Variants in HUWE1 observed in about 807,000 individuals in gnomAD.
The protein encoded by HUWE1 is HECT, UBA and WWE domain containing E3 ubiquitin protein ligase 1.
Under a neutral mutation model 299.4 loss-of-function variants are expected in HUWE1, and 18 were observed. The observed-to-expected ratio is 0.06, with a 90% confidence interval of 0.04 to 0.09. The LOEUF is 0.09. HUWE1 is among the 10% of genes least tolerant of loss of function. The probability of loss-of-function intolerance (pLI) is 1.00; values close to 1 mark genes in which losing one functional copy is unlikely to be tolerated. For missense variants in HUWE1, 1,832 were observed against 3,462.3 expected (o/e 0.53, Z 11.82); for synonymous variants, 1,317 against 1,286.1 (o/e 1.02, Z -0.51).
At chrX:53,545,478 T>C (rs917966829) in intron 70 of HUWE1, among the ~76,000 whole-genome samples, 13 of 111,384 alleles carry the variant, frequency 1.2e-4, no homozygotes, top group Middle Eastern at 4.6e-3. Flanking sequence ...ATTACTGAGG[T>C]TCTGTGGTGG....
Position 53,536,412 on chromosome X carries a change from G to C in HUWE1, c.12393C>G (p.Ser4131=). 1 of 1,211,113 alleles carries C rather than the reference G, an allele frequency of 8.3e-7. No homozygotes were observed. The change falls in exon 79 of 84, where the codon TCC becomes TCG. Residue 4131 remains serine (S), a synonymous_variant. Transcript: ENST00000262854. ...ACTTGCCCAAGATGTGTTTGTAAAA[G>C]GATCGAGTAAAGTAGCACTCCAGAA... is the stretch of plus-strand genomic sequence containing the variant. ...NRLLECYFTR[S]FYKHILGKSV...
At chrX:53,641,633 A>G (rs2067599223) in intron 7 of HUWE1, among the ~76,000 whole-genome samples, 1 of 111,941 alleles carries the variant, frequency 8.9e-6, no homozygotes, top group East Asian at 2.8e-4. Flanking sequence ...TTTATGTCAG[A>G]AAACAGACTG....
intron 3 of HUWE1, among the ~76,000 whole-genome samples, chrX:53,659,194 G>A (rs2068883985): frequency 8.9e-6 from 1 of 112,076 alleles, no homozygotes; most frequent in South Asian, 3.7e-4. Context: ...AATACTCCCT[G>A]GTATTTACCC....
intron 29 of HUWE1, among the ~76,000 whole-genome samples, chrX:53,595,984 A>G (rs782548435): frequency 8.9e-6 from 1 of 112,580 alleles, no homozygotes; most frequent in South Asian, 3.6e-4. Context: ...AAATATAAAC[A>G]TATGTAAAAG....
intron 43 of HUWE1, among the ~76,000 whole-genome samples, 188 bp from the exon 44 acceptor site, chrX:53,577,255 T>C (rs782338387): frequency 1.1e-4 from 12 of 110,572 alleles, no homozygotes; most frequent in Non-Finnish European, 2.1e-4. Flanking sequence ...CAGGATTTAA[T>C]ATAGCAGTAC....
chrX:53,606,460 G>A (rs1053934445), intron 25 of HUWE1, among the ~76,000 whole-genome samples: 1 of 111,933 alleles, frequency 8.9e-6, no homozygotes, highest in Non-Finnish European at 1.9e-5. Context: ...CAGAAAATAA[G>A]TATTGGCTAG....
At chrX:53,679,914 C>T (rs2070042587) in intron 3 of HUWE1, 135 bp downstream of exon 3, 1 of 290,725 alleles carries the variant, frequency 3.4e-6, no homozygotes, top group Non-Finnish European at 6.0e-6. Flanking sequence ...AAAGAAGCAA[C>T]CAGTACCACA....
intron 19 of HUWE1, among the ~76,000 whole-genome samples, chrX:53,618,391 GAAAA>G (rs2065918875): frequency 1.8e-5 from 2 of 108,373 alleles, no homozygotes; most frequent in South Asian, 7.9e-4. Flanking sequence ...ATATAAATTA[GAAAA>G]AAGAGCAGTA....
At chrX:53,538,724 ACTCTCTCTCTCTCTCT>A in intron 76 of HUWE1, 95 bp downstream of exon 76, 1 of 433,591 alleles carries the variant, frequency 2.3e-6, no homozygotes, top group African/African-American at 2.9e-5. Flanking sequence ...ACACACACAC[ACTCTCTCTCTCTCTCT>A]CTCTCTCTCT....
intron 83 of HUWE1, chrX:53,533,724 A>C (rs1177340489): frequency 9.1e-6 from 4 of 438,396 alleles, no homozygotes; most frequent in Non-Finnish European, 1.6e-5. Flanking sequence ...TGAGCTCTTT[A>C]GACTTTTGCT....
At chrX:53,608,348 G>C (rs1045818391) in intron 24 of HUWE1, among the ~76,000 whole-genome samples, 10 of 101,247 alleles carry the variant, frequency 9.9e-5, no homozygotes, top group East Asian at 9.6e-4. Context: ...GGAAAAAAGG[G>C]GGAAAATATA....
At chrX:53,660,322 C>A (rs913451105) in intron 3 of HUWE1, among the ~76,000 whole-genome samples, 1 of 111,963 alleles carries the variant, frequency 8.9e-6, no homozygotes, top group Admixed American at 9.5e-5. Flanking sequence ...GACTCTAAGT[C>A]CCAAGTGTAA....
intron 6 of HUWE1, among the ~76,000 whole-genome samples, chrX:53,645,736 A>AAAAAAAAATAT (rs2067967606): frequency 7.7e-5 from 2 of 26,132 alleles, no homozygotes; most frequent in African/African-American, 3.0e-4. Flanking sequence ...AAAAAAAAAA[A>AAAAAAAAATAT]ATATATATAT....
intron 74 of HUWE1, 41 bp downstream of exon 74, chrX:53,542,402 C>T (rs1556919291): frequency 1.2e-6 from 1 of 864,895 alleles, no homozygotes; most frequent in South Asian, 2.0e-5. Flanking sequence ...AGAAGACTGG[C>T]TATCCCTTTT....
At chrX:53,600,373 G>A in intron 28 of HUWE1, 64 bp from the exon 29 acceptor site, 1 of 848,959 alleles carries the variant, frequency 1.2e-6, no homozygotes, top group Non-Finnish European at 1.7e-6. Flanking sequence ...GGTTCCTTGA[G>A]AAGTACTGAC....
At position 53,678,362 on chromosome X, in the gene HUWE1, AAAGTT is replaced by A. The variant is rs782709262; in HGVS notation, c.-25+1682_-25+1686del. Reference sequence around the variant, plus strand: ...CACCTATGAAACATCAAACGACTTAAAAGTTGAGTTATTCCTGACATTAACATATA... The same window carrying A: ...CACCTATGAAACATCAAACGACTTAAGAGTTATTCCTGACATTAACATATA... On this transcript the variant is annotated intron_variant, in intron 3 of 83. Transcript: ENST00000262854. Among the ~76,000 whole-genome samples, 210 of 111,956 alleles carry A rather than the reference AAAGTT, an allele frequency of 1.9e-3. 1 individual carries two copies. Among genetic ancestry groups the A allele is most frequent in the African/African-American group, 6.5e-3 (201 of 30,853 alleles).
At chrX:53,552,589 G>T in intron 62 of HUWE1, 49 bp downstream of exon 62, 2 of 1,209,589 alleles carry the variant, frequency 1.7e-6, no homozygotes, top group Non-Finnish European at 2.2e-6. Context: ...AATGTGCTTT[G>T]AAAGACCCTC....
At chrX:53,602,402 T>A (rs1474718866) in intron 28 of HUWE1, among the ~76,000 whole-genome samples, 162 bp downstream of exon 28, 1 of 109,388 alleles carries the variant, frequency 9.1e-6, no homozygotes, top group Middle Eastern at 4.3e-3. Context: ...ATTTTACCAT[T>A]ATGTATATAT....
intron 35 of HUWE1, 46 bp from the exon 36 acceptor site, chrX:53,589,862 G>A: frequency 8.7e-7 from 1 of 1,148,854 alleles, no homozygotes; most frequent in Non-Finnish European, 1.2e-6. Flanking sequence ...GAGAGGTGAA[G>A]GAGGAAAGAT....
Sources: allele counts gnomAD v4.1 joint callset (sites outside exome capture counted in the v4.1 genomes callset), GRCh38; gene constraint gnomAD v4.1.1; transcripts MANE v1.5; gene names NCBI Gene and HGNC (gene_info 2026-07-23, HGNC 2026-07-21).